Variants in TET3 observed in about 807,000 individuals in gnomAD.
TET3 encodes the protein methylcytosine dioxygenase TET3.
A neutral mutation model predicts 141.4 loss-of-function variants in TET3; 19 were observed. The ratio of observed to expected loss-of-function variants is 0.13; its 90% CI spans 0.09 to 0.20. The LOEUF (loss-of-function observed/expected upper bound fraction) is 0.20. TET3 is among the 10% of genes least tolerant of loss of function. TET3 has a pLI of 1.00. For missense variants in TET3, 1,874 were observed against 2,356.9 expected (o/e 0.80, Z 4.24); for synonymous variants, 1,043 against 980.9 (o/e 1.06, Z -1.18).
chr2:74,102,104 C>T lies in TET3; in HGVS notation c.5316C>T (p.Pro1772=). The change falls in exon 12 of 12, where the codon CCC becomes CCT. Residue 1772 remains proline, a synonymous_variant. Transcript: ENST00000409262. The part of the protein sequence containing the change: ...VVPTRQALAV[P]TDSAVTVSSY... Reference sequence around the variant, plus strand: ...CCACCCGGCAGGCACTGGCTGTGCCCACAGACTCGGCGGTCACCGTGTCCT... The same window carrying T: ...CCACCCGGCAGGCACTGGCTGTGCCTACAGACTCGGCGGTCACCGTGTCCT... 1.3e-6 allele frequency: 2 copies of T among 1,498,544 alleles called. No homozygotes were observed. Among genetic ancestry groups the T allele is most frequent in the Non-Finnish European group, 1.8e-6 (2 of 1,124,974 alleles). The allele number at this position is 1,498,544 out of a possible 1,614,324, so 92.8% of individuals were successfully genotyped here.
At chr2:74,003,918 A>G (rs1685010240) in intron 3 of TET3, among the ~76,000 whole-genome samples, 1 of 151,982 alleles carries the variant, frequency 6.6e-6, no homozygotes, top group Non-Finnish European at 1.5e-5. Flanking sequence ...AGCCATTACT[A>G]GGAAACCACA....
rs1690210270 is a variant in TET3, at chr2:74,087,197, G to A, written c.2680-633G>A. Among the ~76,000 whole-genome samples the A allele has an allele frequency of 6.6e-6, 1 of 152,122 alleles. No individual in the cohort carries two copies. The highest frequency in any genetic ancestry group is 2.4e-5 in the African/African-American group (1 of 41,416). On this transcript the variant is annotated intron_variant, in intron 6 of 11. Transcript: ENST00000409262. This position sits in a 1 kb window ranked among gnomAD's most constrained non-coding sequence, Gnocchi z 4.3. ...ATACTTGGTTGTCTGTCTATACCAC[G>A]TCGTACTTACCTGTTCATCAACCGA...
At chr2:74,063,961 C>A (rs906503875) in intron 4 of TET3, among the ~76,000 whole-genome samples, 1 of 150,564 alleles carries the variant, frequency 6.6e-6, no homozygotes, top group African/African-American at 2.5e-5. Flanking sequence ...AGAGTTCTTA[C>A]CAAAAAAAGT....
At chr2:74,003,942 C>T (rs1685011182) in intron 3 of TET3, among the ~76,000 whole-genome samples, 2 of 152,180 alleles carry the variant, frequency 1.3e-5, no homozygotes, top group South Asian at 4.1e-4. Context: ...ATTCCTCCCA[C>T]GTTGGCATGG....
intron 3 of TET3, among the ~76,000 whole-genome samples, chr2:74,028,189 C>G (rs914122613): frequency 2.6e-5 from 4 of 151,720 alleles, no homozygotes; most frequent in Non-Finnish European, 4.4e-5. Context: ...AGGGGTCTTG[C>G]TTTGTTGCCT....
intron 2 of TET3, among the ~76,000 whole-genome samples, chr2:73,994,632 TTC>T (rs1227044807): frequency 4.3e-5 from 5 of 116,272 alleles, no homozygotes; most frequent in Non-Finnish European, 8.6e-5. Flanking sequence ...CTTTCTTTCT[TTC>T]TTTCTTTTTT....
chr2:74,067,932 G>A (rs1354389719), intron 4 of TET3, among the ~76,000 whole-genome samples: 7 of 152,276 alleles, frequency 4.6e-5, no homozygotes, highest in Middle Eastern at 6.8e-3. Context: ...TCTGTCCAGC[G>A]TGGTATAATA....
At chr2:74,069,951 C>T (rs1016575325) in intron 4 of TET3, among the ~76,000 whole-genome samples, 1 of 152,120 alleles carries the variant, frequency 6.6e-6, no homozygotes, top group Non-Finnish European at 1.5e-5. Flanking sequence ...TAACCATTCT[C>T]TTAACTTTTG....
rs773226080 is a variant in TET3, at chr2:74,099,493, G to A, written c.3485G>A (p.Arg1162Gln). Residue 1162 changes from arginine to glutamine, a missense_variant, in exon 11 of 12, where the codon CGG becomes CAG. This residue lies in a region of TET3 where 53 missense variants were observed against 112.8 expected (regional missense o/e 0.47). Coordinates refer to ENST00000409262, the MANE Select transcript of TET3 (RefSeq NM_001287491.2). ...GAGCCTGCCAAGTCCTGCCGCCAGC[G>A]GCAGCTGGAAGCCAGAAAGGCAGCA... ...LPEPAKSCRQ[R>Q]QLEARKAAAE... 1.3e-5 allele frequency: 21 copies of A among 1,613,496 alleles called. No individual in the cohort carries two copies. Among genetic ancestry groups the A allele is most frequent in the East Asian group, 6.7e-5 (3 of 44,874 alleles).
At chr2:74,059,786 A>T (rs1167683112) in intron 4 of TET3, among the ~76,000 whole-genome samples, 2 of 147,576 alleles carry the variant, frequency 1.4e-5, no homozygotes, top group Admixed American at 1.3e-4. Flanking sequence ...GCCTCTCAGC[A>T]TGCTGGGATT....
chr2:74,018,972 G>T (rs972146482), intron 3 of TET3, among the ~76,000 whole-genome samples: 2 of 152,180 alleles, frequency 1.3e-5, no homozygotes, highest in Admixed American at 6.5e-5. Flanking sequence ...AAGGCCAGGT[G>T]TGGTGGCTCA....
At chr2:74,045,547 T>C (rs1285244736) in intron 3 of TET3, among the ~76,000 whole-genome samples, 1 of 152,228 alleles carries the variant, frequency 6.6e-6, no homozygotes, top group Non-Finnish European at 1.5e-5. Context: ...GTGGCTCTCG[T>C]GCTTGGGGAG....
intron 3 of TET3, among the ~76,000 whole-genome samples, chr2:74,034,790 C>T (rs979714368): frequency 1.3e-5 from 2 of 151,954 alleles, no homozygotes; most frequent in African/African-American, 2.4e-5. Context: ...TCCTAGGAGT[C>T]GGATTGCTGG....
At position 74,046,587 on chromosome 2, in the gene TET3, T is replaced by C; in HGVS notation, c.670T>C (p.Phe224Leu). The C allele has an allele frequency of 6.2e-7, 1 of 1,614,046 alleles. No individual in the cohort carries two copies. The change falls in exon 4 of 12, where the codon TTC becomes CTC. Residue 224 changes from phenylalanine (F) to leucine (L), a missense_variant. This residue lies in a region of TET3 where 366 missense variants were observed against 487.0 expected (regional missense o/e 0.75). Coordinates refer to ENST00000409262, the MANE Select transcript of TET3 (RefSeq NM_001287491.2). This position sits in a 1 kb window ranked among gnomAD's most constrained non-coding sequence, Gnocchi z 4.3. ...CCTTAGCACCCGGCTCTATGAAACC[T>C]TCAACCGTGAGATGAGTCGTGAGGC... Reference protein sequence around the residue: ...GALSTRLYETFNREMSREAGN... With the variant: ...GALSTRLYETLNREMSREAGN...
At chr2:74,032,490 T>TGG (rs1686797264) in intron 3 of TET3, among the ~76,000 whole-genome samples, 1 of 73,516 alleles carries the variant, frequency 1.4e-5, no homozygotes, top group African/African-American at 1.0e-4. Flanking sequence ...TGTGTGTGTG[T>TGG]GTGTGTGTGT....
At chr2:73,987,466 A>G (rs1684093986) in intron 2 of TET3, among the ~76,000 whole-genome samples, 1 of 152,164 alleles carries the variant, frequency 6.6e-6, no homozygotes, top group South Asian at 2.1e-4. Flanking sequence ...GGGAGAGACC[A>G]TGACCTTGCA....
At chr2:74,120,644 G>GT in the TET3 span, 1 of 152,350 alleles carries the variant, frequency 6.6e-6, no homozygotes, top group Admixed American at 6.5e-5. Flanking sequence ...AGGCAAGGGC[G>GT]TGGCCGAGTG....
intron 2 of TET3, among the ~76,000 whole-genome samples, chr2:73,994,329 A>G (rs1465551650): frequency 6.6e-6 from 1 of 152,222 alleles, no homozygotes; most frequent in Non-Finnish European, 1.5e-5. Flanking sequence ...AGAAGAGGTC[A>G]GTTCCCTCAC....
At chr2:74,027,920 C>A (rs1394476053) in intron 3 of TET3, among the ~76,000 whole-genome samples, 3 of 151,618 alleles carry the variant, frequency 2.0e-5, no homozygotes, top group Non-Finnish European at 4.4e-5. Context: ...TATATGAGTT[C>A]CTTGAATATG....
Sources: gnomAD v4.1 joint callset for allele counts (sites outside exome capture counted in the v4.1 genomes callset) on GRCh38, gnomAD v4.1.1 for gene constraint, gnomAD v4.1.1 regional missense constraint, Gnocchi (gnomAD v3.1) non-coding constraint, MANE v1.5 for transcripts, NCBI Gene and HGNC (gene_info 2026-07-23, HGNC 2026-07-21) for gene names.